CDH13: variants seen among roughly 807,000 people sequenced by gnomAD.
CDH13 encodes cadherin-13.
Under a neutral mutation model 63.8 loss-of-function variants are expected in CDH13, and 24 were observed. The ratio of observed to expected loss-of-function variants is 0.38; its 90% CI spans 0.27 to 0.53. The LOEUF (loss-of-function observed/expected upper bound fraction) is 0.53, where lower values mean the gene tolerates loss of function less well. Ranked by LOEUF, CDH13 falls within the 20% of genes least tolerant of loss-of-function variation. The pLI is 0.85. For missense variants in CDH13, 1,049 were observed against 903.1 expected (o/e 1.16, Z -2.07); for synonymous variants, 503 against 355.3 (o/e 1.42, Z -4.67).
At chr16:83,652,697 T>A (rs1912499837) in intron 8 of CDH13, among the ~76,000 whole-genome samples, 1 of 152,134 alleles carries the variant, frequency 6.6e-6, no homozygotes, top group Non-Finnish European at 1.5e-5. Context: ...CTCTTGTATT[T>A]GAAAGGAGCA....
At chr16:83,377,130 A>C (rs149156308) in intron 6 of CDH13, among the ~76,000 whole-genome samples, 7 of 152,304 alleles carry the variant, frequency 4.6e-5, no homozygotes, top group African/African-American at 1.4e-4. Context: ...GTCCTTCCTG[A>C]ATCCCTAACC....
chr16:82,645,730 A>G (rs930411814), intron 1 of CDH13, among the ~76,000 whole-genome samples: 5 of 152,198 alleles, frequency 3.3e-5, no homozygotes, highest in African/African-American at 1.2e-4. Context: ...AAGATACCTC[A>G]CAGCAAGCCG....
At chr16:83,465,478 G>A (rs941862672) in intron 6 of CDH13, among the ~76,000 whole-genome samples, 4 of 152,150 alleles carry the variant, frequency 2.6e-5, no homozygotes, top group Admixed American at 6.5e-5. Flanking sequence ...CAGGAGAGTG[G>A]GTAACAGACA....
At chr16:82,694,462 T>C (rs1439383698) in intron 1 of CDH13, among the ~76,000 whole-genome samples, 1 of 152,208 alleles carries the variant, frequency 6.6e-6, no homozygotes, top group Non-Finnish European at 1.5e-5. Flanking sequence ...TTTAGCTGAA[T>C]CAATGGCTTG....
intron 2 of CDH13, among the ~76,000 whole-genome samples, chr16:82,885,490 T>TCCACCCATCCAC (rs1436427078): frequency 6.9e-6 from 1 of 144,126 alleles, no homozygotes; most frequent in African/African-American, 2.6e-5. Context: ...CACCCATCCA[T>TCCACCCATCCAC]CCATCCATCC....
intron 6 of CDH13, among the ~76,000 whole-genome samples, chr16:83,395,756 TTC>T (rs1332210914): frequency 6.6e-6 from 1 of 152,186 alleles, no homozygotes; most frequent in Non-Finnish European, 1.5e-5. Context: ...TCTAATTAAT[TTC>T]TTTGTGACCA....
rs201192209 is a variant in CDH13 at position 82,782,561 on chromosome 16, A to T, written c.46-75801A>T. 7.2e-4 allele frequency among the ~76,000 whole-genome samples: 109 copies of T among 151,172 alleles called. No homozygotes were observed. In the East Asian group the frequency reaches 9.4e-3, roughly 13 times the overall value. On this transcript the variant is annotated intron_variant, in intron 1 of 13. Coordinates refer to ENST00000567109, the MANE Select transcript of CDH13 (RefSeq NM_001257.5). Reference sequence around the variant, plus strand: ...TGCCAGACTCCATCTCAAAAAAAAAAAAAAATAATAATAAACAAATGGATG... The same window carrying T: ...TGCCAGACTCCATCTCAAAAAAAAATAAAAATAATAATAAACAAATGGATG...
chr16:83,302,887 T>G (rs1338981288), intron 5 of CDH13, among the ~76,000 whole-genome samples: 1 of 152,162 alleles, frequency 6.6e-6, no homozygotes, highest in Non-Finnish European at 1.5e-5. Flanking sequence ...AAAATAAATT[T>G]CATCAAACTG....
intron 1 of CDH13, chr16:82,719,572 G>T (rs1042416556): frequency 7.8e-6 from 3 of 385,232 alleles, no homozygotes; most frequent in East Asian, 1.5e-4. Context: ...TAGGATGGGC[G>T]CAGTGGCTTG....
intron 13 of CDH13, 92 bp from the exon 14 acceptor site, chr16:83,794,931 A>G: frequency 1.7e-6 from 2 of 1,182,548 alleles, no homozygotes; most frequent in African/African-American, 3.0e-5. Flanking sequence ...TGTGTTTATT[A>G]TACCTTGCCT....
chr16:82,908,815 A>G (rs1258123660), intron 2 of CDH13, among the ~76,000 whole-genome samples: 2 of 152,216 alleles, frequency 1.3e-5, no homozygotes, highest in Non-Finnish European at 2.9e-5. Flanking sequence ...CATTCTCCCT[A>G]TACGGTTGAC....
chr16:82,728,678 G>A (rs552505796), intron 1 of CDH13, among the ~76,000 whole-genome samples: 1 of 152,274 alleles, frequency 6.6e-6, no homozygotes, highest in East Asian at 1.9e-4. Context: ...GGTGGGGGTT[G>A]CTGAAGGCTA....
chr16:83,301,402 A>G (rs2089741248), intron 5 of CDH13, among the ~76,000 whole-genome samples: 1 of 151,742 alleles, frequency 6.6e-6, no homozygotes, highest in African/African-American at 2.4e-5. Flanking sequence ...GTGATTTTCC[A>G]TTTTCAGGCT....
At chr16:83,429,878 C>T (rs1346554708) in intron 6 of CDH13, among the ~76,000 whole-genome samples, 1 of 152,156 alleles carries the variant, frequency 6.6e-6, no homozygotes, top group Non-Finnish European at 1.5e-5. Flanking sequence ...ATTCAGCTTG[C>T]CAAAAGCTAT....
At chr16:83,495,503 G>T (rs577166800) in intron 7 of CDH13, among the ~76,000 whole-genome samples, 6 of 152,264 alleles carry the variant, frequency 3.9e-5, no homozygotes, top group South Asian at 2.1e-4. Context: ...AAAGGTATCA[G>T]ACTCTTAGTT....
At chr16:82,688,727 T>C (rs62036330) in intron 1 of CDH13, among the ~76,000 whole-genome samples, 7,650 of 152,298 alleles carry the variant, frequency 0.05, 282 homozygotes, top group Non-Finnish European at 0.08. Flanking sequence ...TTAAAAAATA[T>C]ATTTTCAATA....
chr16:83,353,852 A>G (rs2091005535), intron 6 of CDH13, among the ~76,000 whole-genome samples: 1 of 152,252 alleles, frequency 6.6e-6, no homozygotes, highest in African/African-American at 2.4e-5. Context: ...TGTAAAAATA[A>G]ACGCTTAATA....
At chr16:83,385,107 C>T (rs114357463) in intron 6 of CDH13, among the ~76,000 whole-genome samples, 156 of 152,254 alleles carry the variant, frequency 1.0e-3, no homozygotes, top group African/African-American at 3.5e-3. Context: ...CATTAGCATG[C>T]GGATGCTTAG....
At chr16:83,328,927 C>G (rs944860948) in intron 5 of CDH13, among the ~76,000 whole-genome samples, 2 of 152,210 alleles carry the variant, frequency 1.3e-5, no homozygotes, top group Admixed American at 1.3e-4. Flanking sequence ...ATTTGTGCTG[C>G]TCATTTCCAT....
Sources: gnomAD v4.1 joint callset for allele counts (sites outside exome capture counted in the v4.1 genomes callset) on GRCh38, gnomAD v4.1.1 for gene constraint, MANE v1.5 for transcripts, NCBI Gene and HGNC (gene_info 2026-07-23, HGNC 2026-07-21) for gene names.